The following ARHGAP15 variants were observed in gnomAD, a reference collection of about 807,000 sequenced individuals.
ARHGAP15 encodes the protein Rho GTPase activating protein 15.
A neutral mutation model predicts 63.7 loss-of-function variants in ARHGAP15; 51 were observed. The ratio of observed to expected loss-of-function variants is 0.80; its 90% CI spans 0.64 to 1.01. The LOEUF (loss-of-function observed/expected upper bound fraction) is 1.01, where lower values mean the gene tolerates loss of function less well. ARHGAP15 is among the 50% of genes least tolerant of loss of function. ARHGAP15 has a pLI of 0.00. For missense variants in ARHGAP15, 560 were observed against 564.6 expected (o/e 0.99, Z 0.08); for synonymous variants, 191 against 193.8 (o/e 0.99, Z 0.12).
At chr2:143,713,548 T>G (rs1273791517) in intron 13 of ARHGAP15, among the ~76,000 whole-genome samples, 1 of 152,110 alleles carries the variant, frequency 6.6e-6, no homozygotes, top group African/African-American at 2.4e-5. Flanking sequence ...CTTAACTCAT[T>G]CCAGCATTAA....
chr2:143,695,056 A>G (rs942871537), intron 12 of ARHGAP15, among the ~76,000 whole-genome samples: 3 of 152,226 alleles, frequency 2.0e-5, no homozygotes, highest in African/African-American at 7.2e-5. Context: ...TACAAAGATA[A>G]TGCTTAATGT....
At chr2:143,495,076 T>G (rs949075400) in intron 9 of ARHGAP15, among the ~76,000 whole-genome samples, 1 of 152,230 alleles carries the variant, frequency 6.6e-6, no homozygotes. Flanking sequence ...CATTGAAAGT[T>G]TAAATGAAAT....
intron 12 of ARHGAP15, among the ~76,000 whole-genome samples, chr2:143,697,610 G>T (rs1367225508): frequency 6.6e-6 from 1 of 152,190 alleles, no homozygotes; most frequent in African/African-American, 2.4e-5. Context: ...TTTGAAGCAT[G>T]TGTATATTTG....
chr2:143,688,956 T>A (rs537705620), intron 12 of ARHGAP15, among the ~76,000 whole-genome samples: 3 of 152,324 alleles, frequency 2.0e-5, no homozygotes, highest in South Asian at 4.1e-4. Context: ...AACCTCACTG[T>A]CATTTTCAAT....
chr2:143,286,913 A>C (rs573228390), intron 6 of ARHGAP15, among the ~76,000 whole-genome samples: 2 of 152,296 alleles, frequency 1.3e-5, no homozygotes, highest in African/African-American at 4.8e-5. Flanking sequence ...ATGTTACGGC[A>C]TTGATCTTAT....
chr2:143,430,178 T>TG (rs1689322103), intron 6 of ARHGAP15, among the ~76,000 whole-genome samples: 1 of 43,546 alleles, frequency 2.3e-5, no homozygotes, highest in Non-Finnish European at 5.9e-5. Flanking sequence ...CCAAAGTAAC[T>TG]TTTTTTTTTT....
intron 9 of ARHGAP15, among the ~76,000 whole-genome samples, chr2:143,488,741 A>G (rs1441323704): frequency 6.6e-6 from 1 of 152,264 alleles, no homozygotes; most frequent in Non-Finnish European, 1.5e-5. Context: ...CCATTTTGAA[A>G]CAGGTGAACA....
chr2:143,378,535 C>G (rs1686913455), intron 6 of ARHGAP15, among the ~76,000 whole-genome samples: 1 of 152,022 alleles, frequency 6.6e-6, no homozygotes, highest in Non-Finnish European at 1.5e-5. Flanking sequence ...TGTAGTCACT[C>G]TTAATGCCTT....
intron 6 of ARHGAP15, among the ~76,000 whole-genome samples, chr2:143,311,369 T>G (rs1026702260): frequency 6.6e-6 from 1 of 151,990 alleles, no homozygotes; most frequent in Non-Finnish European, 1.5e-5. Context: ...GTTCATGATA[T>G]AAATAATTTG....
At chr2:143,482,458 G>C (rs577540748) in intron 8 of ARHGAP15, among the ~76,000 whole-genome samples, 1 of 152,292 alleles carries the variant, frequency 6.6e-6, no homozygotes, top group East Asian at 1.9e-4. Flanking sequence ...GTTTCTAAAA[G>C]TATGTGTGGG....
chr2:143,705,911 T>C (rs1488797773), intron 13 of ARHGAP15, among the ~76,000 whole-genome samples: 1 of 152,178 alleles, frequency 6.6e-6, no homozygotes, highest in African/African-American at 2.4e-5. Flanking sequence ...CCTGATCCTG[T>C]TTTTTACATC....
intron 6 of ARHGAP15, among the ~76,000 whole-genome samples, chr2:143,278,265 T>C (rs879345927): frequency 1.2e-4 from 18 of 152,142 alleles, no homozygotes; most frequent in Admixed American, 4.6e-4. Context: ...TTAAGCAGAT[T>C]GAAGGATTCT....
chr2:143,454,245 C>G (rs140989866), intron 8 of ARHGAP15, among the ~76,000 whole-genome samples: 2 of 151,986 alleles, frequency 1.3e-5, no homozygotes, highest in African/African-American at 4.8e-5. Context: ...AGTTGGAATT[C>G]CTTTTTCTAC....
At chr2:143,547,212 A>T (rs908368589) in intron 10 of ARHGAP15, among the ~76,000 whole-genome samples, 5 of 152,128 alleles carry the variant, frequency 3.3e-5, no homozygotes, top group Non-Finnish European at 7.4e-5. Flanking sequence ...GCTTAGAGAG[A>T]TATGTAAGAA....
intron 13 of ARHGAP15, among the ~76,000 whole-genome samples, chr2:143,754,311 C>T (rs183826168): frequency 4.0e-4 from 61 of 152,312 alleles, no homozygotes; most frequent in East Asian, 3.5e-3. Flanking sequence ...CTTGTGCTTA[C>T]GGCATTTATA....
At chr2:143,133,647 T>C (rs1688996657) in intron 1 of ARHGAP15, among the ~76,000 whole-genome samples, 1 of 152,196 alleles carries the variant, frequency 6.6e-6, no homozygotes, top group Non-Finnish European at 1.5e-5. Flanking sequence ...TTTGTTTGTT[T>C]TGTTTGCTTT....
At chr2:143,687,588 C>A (rs1007021986) in intron 12 of ARHGAP15, among the ~76,000 whole-genome samples, 4 of 152,130 alleles carry the variant, frequency 2.6e-5, no homozygotes, top group Non-Finnish European at 5.9e-5. Flanking sequence ...ACTTTGCTTT[C>A]TTGATTCTAG....
intron 6 of ARHGAP15, among the ~76,000 whole-genome samples, chr2:143,420,345 A>G (rs1021076178): frequency 6.6e-6 from 1 of 152,154 alleles, no homozygotes; most frequent in Non-Finnish European, 1.5e-5. Flanking sequence ...AGCAGCAAGC[A>G]CCTTGAATTG....
intron 13 of ARHGAP15, among the ~76,000 whole-genome samples, chr2:143,767,149 C>T (rs940681566): frequency 8.5e-5 from 13 of 152,178 alleles, no homozygotes; most frequent in Admixed American, 7.9e-4. Flanking sequence ...AAACCCCACT[C>T]TTCTGAATTT....
Sources: allele counts gnomAD v4.1 joint callset (sites outside exome capture counted in the v4.1 genomes callset), GRCh38; gene constraint gnomAD v4.1.1; transcripts MANE v1.5; gene names NCBI Gene and HGNC (gene_info 2026-07-23, HGNC 2026-07-21).